The following SLCO6A1 variants were observed in gnomAD, a reference collection of about 807,000 sequenced individuals.
The protein encoded by SLCO6A1 is cancer/testis antigen 48.
SLCO6A1 carries 65 observed loss-of-function variants against 72.7 expected under a neutral mutation model. The observed-to-expected ratio is 0.89, with a 90% CI of 0.73 to 1.10. The LOEUF is 1.10. Among genes scored for constraint, SLCO6A1 ranks in the 50% least tolerant of loss-of-function variants. The pLI, the probability that SLCO6A1 is intolerant of heterozygous loss-of-function variation, is 0.00. For synonymous variants in SLCO6A1, 314 were observed against 298.2 expected (o/e 1.05, Z -0.55); for missense variants, 874 against 872.6 (o/e 1.00, Z -0.02).
At chr5:102,448,508 CT>C (rs1321950391) in intron 6 of SLCO6A1, among the ~76,000 whole-genome samples, 3 of 152,138 alleles carry the variant, frequency 2.0e-5, no homozygotes, top group African/African-American at 7.2e-5. Flanking sequence ...TTATCTAAGT[CT>C]CTTCATAAGT....
chr5:102,482,696 T>C (rs1752271268), intron 1 of SLCO6A1, among the ~76,000 whole-genome samples: 1 of 152,212 alleles, frequency 6.6e-6, no homozygotes, highest in African/African-American at 2.4e-5. Context: ...TACTGTAAAA[T>C]TAGTTCCTTA....
At chr5:102,480,069 A>G in intron 2 of SLCO6A1, 108 bp downstream of exon 2, 1 of 1,067,478 alleles carries the variant, frequency 9.4e-7, no homozygotes, top group Non-Finnish European at 1.3e-6. Flanking sequence ...AAATGGATGG[A>G]TGGATAGATA....
At chr5:102,484,052 T>C (rs1752331781) in intron 1 of SLCO6A1, among the ~76,000 whole-genome samples, 1 of 152,206 alleles carries the variant, frequency 6.6e-6, no homozygotes, top group Non-Finnish European at 1.5e-5. Context: ...TTTCCTTCTG[T>C]AAACTTTTCA....
At chr5:102,477,902 C>CAA in intron 2 of SLCO6A1, 41 bp from the exon 3 acceptor site, 2 of 1,524,762 alleles carry the variant, frequency 1.3e-6, no homozygotes, top group Non-Finnish European at 1.8e-6. Context: ...TAATTGAACT[C>CAA]AAACATAAAA....
At chr5:102,427,865 T>TATATATATATATATATATA in intron 7 of SLCO6A1, among the ~76,000 whole-genome samples, 1 of 72,690 alleles carries the variant, frequency 1.4e-5, no homozygotes, top group African/African-American at 1.2e-4. Flanking sequence ...TATATATATA[T>TATATATATATATATATATA]TTTTTTTTTT....
chr5:102,490,375 AT>A (rs1277676592), intron 1 of SLCO6A1, among the ~76,000 whole-genome samples: 1 of 152,236 alleles, frequency 6.6e-6, no homozygotes, highest in Admixed American at 6.5e-5. Flanking sequence ...ATGTACAATT[AT>A]TATATGTCAA....
rs184793900 is a variant in SLCO6A1, at chr5:102,493,925, A to C, written c.358+4562T>G. Among the ~76,000 whole-genome samples the C allele has an allele frequency of 8.7e-3, 1,318 of 152,310 alleles. 10 individuals carry two copies. Among genetic ancestry groups the C allele is most frequent in the South Asian group, 0.016 (79 of 4,830 alleles). ...CAACAAAATCTTAGTAACTTTTTTAAAGAAATTGACAAGTTTATTCTAAAA... is the reference window on the plus strand; with the variant it reads ...CAACAAAATCTTAGTAACTTTTTTACAGAAATTGACAAGTTTATTCTAAAA... On this transcript the variant is annotated intron_variant, in intron 1 of 13. Coordinates refer to ENST00000506729, the MANE Select transcript of SLCO6A1 (RefSeq NM_173488.5).
chr5:102,483,239 C>A (rs1752295640), intron 1 of SLCO6A1, among the ~76,000 whole-genome samples: 1 of 152,160 alleles, frequency 6.6e-6, no homozygotes, highest in African/African-American at 2.4e-5. Flanking sequence ...ACTTACACAG[C>A]CTTTCTAATT....
At chr5:102,392,632 A>G (rs1746827960) in intron 10 of SLCO6A1, among the ~76,000 whole-genome samples, 3 of 152,114 alleles carry the variant, frequency 2.0e-5, no homozygotes, top group Admixed American at 2.0e-4. Context: ...TGAATAGCAC[A>G]AAAATAGCTA....
At chr5:102,439,571 A>G (rs1042226225) in intron 6 of SLCO6A1, among the ~76,000 whole-genome samples, 4 of 152,156 alleles carry the variant, frequency 2.6e-5, no homozygotes, top group Non-Finnish European at 5.9e-5. Flanking sequence ...CTGATTTTAC[A>G]TAGTGTGATT....
At chr5:102,462,145 A>G (rs961121231) in intron 4 of SLCO6A1, among the ~76,000 whole-genome samples, 5 of 152,190 alleles carry the variant, frequency 3.3e-5, no homozygotes, top group African/African-American at 1.2e-4. Flanking sequence ...ATAAAATAAA[A>G]TAAAGTAAAA....
intron 12 of SLCO6A1, among the ~76,000 whole-genome samples, chr5:102,378,646 T>A (rs1417720959): frequency 6.6e-6 from 1 of 152,192 alleles, no homozygotes; most frequent in Admixed American, 6.5e-5. Flanking sequence ...GTCTGGTTTC[T>A]TTCATTCAAC....
rs1009469885 is a variant in SLCO6A1 at position 102,473,976 on chromosome 5, C to A, written c.899+1721G>T. ...GAACATGATAATTAATATTAATATTCTTAGAATTAGAATATTGTTAAAATG... is the reference window on the plus strand; with the variant it reads ...GAACATGATAATTAATATTAATATTATTAGAATTAGAATATTGTTAAAATG... On this transcript the variant is annotated intron_variant, in intron 4 of 13. Coordinates refer to ENST00000506729, the MANE Select transcript of SLCO6A1 (RefSeq NM_173488.5). Among the ~76,000 whole-genome samples, 10 of 151,868 alleles carry A rather than the reference C, an allele frequency of 6.6e-5. No homozygotes were observed. In the East Asian group the frequency reaches 1.9e-3, roughly 29 times the overall value.
chr5:102,489,318 C>T (rs1752573290), intron 1 of SLCO6A1, among the ~76,000 whole-genome samples: 1 of 152,100 alleles, frequency 6.6e-6, no homozygotes. Flanking sequence ...GTGGAAAACT[C>T]TAAAACAGAA....
chr5:102,389,966 C>T (rs1327352474), intron 11 of SLCO6A1, among the ~76,000 whole-genome samples: 1 of 152,140 alleles, frequency 6.6e-6, no homozygotes, highest in African/African-American at 2.4e-5. Flanking sequence ...TCTCCAACTC[C>T]TGGCCTCAAG....
chr5:102,427,838 A>ATGTG (rs1273072665), intron 7 of SLCO6A1, among the ~76,000 whole-genome samples: 1 of 104,410 alleles, frequency 9.6e-6, no homozygotes, highest in Non-Finnish European at 1.9e-5. Context: ...CTGTGTGTGT[A>ATGTG]TGTATACATA....
At position 102,413,035 on chromosome 5, in the gene SLCO6A1, G is replaced by A; in HGVS notation, c.1581C>T (p.Pro527=). 2 of 1,561,294 alleles carry A rather than the reference G, an allele frequency of 1.3e-6. No individual in the cohort carries two copies. The highest frequency in any genetic ancestry group is 1.7e-6 in the Non-Finnish European group (2 of 1,160,528). ...CGRDDIEYFS[P]CFAGCTYSKA... is the part of the protein sequence containing the mutation. ...TAGAATATGTACACCCTGCAAAGCA[G>A]GGAGAAAAATATTCAATATCATCTC... The change falls in exon 9 of 14, where the codon CCC becomes CCT. Residue 527 remains proline (P), a synonymous_variant. Transcript: ENST00000506729.
At chr5:102,401,250 A>G (rs971791537) in intron 9 of SLCO6A1, among the ~76,000 whole-genome samples, 2 of 152,224 alleles carry the variant, frequency 1.3e-5, no homozygotes, top group East Asian at 3.9e-4. Context: ...TGAAAGAAAA[A>G]CAAGAACAGA....
intron 4 of SLCO6A1, among the ~76,000 whole-genome samples, chr5:102,466,481 GATC>G (rs1220031853): frequency 6.6e-6 from 1 of 151,966 alleles, no homozygotes; most frequent in Non-Finnish European, 1.5e-5. Context: ...ATGCTGCAAT[GATC>G]ATATGTGTGC....
Sources: gnomAD v4.1 joint callset for allele counts (sites outside exome capture counted in the v4.1 genomes callset) on GRCh38, gnomAD v4.1.1 for gene constraint, MANE v1.5 for transcripts, NCBI Gene and HGNC (gene_info 2026-07-23, HGNC 2026-07-21) for gene names.